The following CHRNB1 variants were observed in gnomAD, a reference collection of about 807,000 sequenced individuals.
CHRNB1 encodes acetylcholine receptor subunit beta.
A neutral mutation model predicts 53.8 loss-of-function variants in CHRNB1; 47 were observed. That is an observed-to-expected ratio of 0.87 (90% CI 0.69 to 1.11). The LOEUF is 1.11. Ranked by LOEUF, CHRNB1 falls within the 50% of genes most tolerant of loss-of-function variation. The pLI is 0.00. For synonymous variants in CHRNB1, 259 were observed against 263.5 expected, an observed-to-expected ratio of 0.98 and a Z score of 0.16; for missense variants, 605 against 654.9, an observed-to-expected ratio of 0.92 and a Z score of 0.83.
intron 6 of CHRNB1, 29 bp from the exon 7 acceptor site, chr17:7,448,550 T>C: frequency 6.2e-7 from 1 of 1,611,068 alleles, no homozygotes; most frequent in Non-Finnish European, 8.5e-7. Context: ...CTCTCACATC[T>C]GTGTTCCCCT....
Position 7,453,176 on chromosome 17 carries a change from G to T in CHRNB1, c.821-1121G>T, listed in dbSNP as rs185526278. 3.1e-3 allele frequency among the ~76,000 whole-genome samples: 466 copies of T among 152,308 alleles called. 2 individuals carry two copies. The highest frequency in any genetic ancestry group is 0.01 in the African/African-American group (417 of 41,562). On this transcript the variant is annotated intron_variant, in intron 7 of 10. Coordinates refer to ENST00000306071, the MANE Select transcript of CHRNB1 (RefSeq NM_000747.3). ...CTTGATGCCCAGGCTGGAGTGCAATGGCACGATCTCGACTCACTGCAACCT... is the reference window on the plus strand; with the variant it reads ...CTTGATGCCCAGGCTGGAGTGCAATTGCACGATCTCGACTCACTGCAACCT...
Position 7,455,713 on chromosome 17 carries a change from T to C in CHRNB1, c.1218-81T>C, listed in dbSNP as rs1196181282. 1.9e-6 allele frequency: 3 copies of C among 1,586,534 alleles called. No individual in the cohort carries two copies. In the African/African-American group the frequency reaches 4.0e-5, roughly 21 times the overall value. On this transcript the variant is annotated intron_variant, in intron 9 of 10. Transcript: ENST00000306071. ...TCGGGTTTTGAGAACTGGCAAGTTG[T>C]TGGAGGCAGCTGGAGCGGGGCCTGG... is the stretch of plus-strand genomic sequence containing the variant.
rs1008285836 is a variant in CHRNB1 at position 7,445,694 on chromosome 17, G to A, written c.198+285G>A. The A allele has an allele frequency of 7.7e-6, 9 of 1,173,208 alleles. No homozygotes were observed. The highest frequency in any genetic ancestry group is 3.1e-5 in the African/African-American group (2 of 64,520). 72.7% of individuals were successfully genotyped at this position (1,173,208 alleles called of 1,614,324 possible). A position where few individuals can be genotyped will look rare whatever the true frequency, so the allele number is the denominator to read the frequency against. On this transcript the variant is annotated intron_variant, in intron 2 of 10. Coordinates refer to ENST00000306071, the MANE Select transcript of CHRNB1 (RefSeq NM_000747.3). The surrounding 1 kb of genome is among the most constrained non-coding windows in gnomAD (Gnocchi z 5.7). Reference sequence around the variant, plus strand: ...CAGGGGCTGGGGGACGGACCTCGACGTAGGGCCACATGAGTCCTGAGTGCC... The same window carrying A: ...CAGGGGCTGGGGGACGGACCTCGACATAGGGCCACATGAGTCCTGAGTGCC...
At chr17:7,449,401 C>G (rs979881523) in intron 7 of CHRNB1, among the ~76,000 whole-genome samples, 1 of 132,998 alleles carries the variant, frequency 7.5e-6, no homozygotes, top group Non-Finnish European at 1.6e-5. Flanking sequence ...CAGGGCCCGA[C>G]CTTTTTTTTT....
rs1240584191 is a variant in CHRNB1, at chr17:7,455,421, G to C, written c.1182G>C (p.Lys394Asn). 2 of 1,614,046 alleles carry C rather than the reference G, an allele frequency of 1.2e-6. No homozygotes were observed. Among genetic ancestry groups the C allele is most frequent in the African/African-American group, 2.7e-5 (2 of 74,918 alleles). Reference sequence around the variant, plus strand: ...GAACAGATGAATATTTCATCCGGAAGCCGCCAAGTGATTTTCTCTTCCCCA... The same window carrying C: ...GAACAGATGAATATTTCATCCGGAACCCGCCAAGTGATTTTCTCTTCCCCA... ...GRGTDEYFIR[K>N]PPSDFLFPKP... The change falls in exon 9 of 11, where the codon AAG becomes AAC. Residue 394 changes from lysine to asparagine, a missense_variant. Lys to Asn is a moderately conservative substitution (Grantham distance 94, BLOSUM62 0). Transcript: ENST00000306071.
chr17:7,448,551 G>A (rs186789428), intron 6 of CHRNB1, 28 bp from the exon 7 acceptor site: 2 of 1,611,478 alleles, frequency 1.2e-6, no homozygotes, highest in Non-Finnish European at 1.7e-6. Context: ...TCTCACATCT[G>A]TGTTCCCCTC....
At chr17:7,449,414 T>TA (rs1908796688) in intron 7 of CHRNB1, among the ~76,000 whole-genome samples, 1 of 145,844 alleles carries the variant, frequency 6.9e-6, no homozygotes, top group Non-Finnish European at 1.5e-5. Context: ...TTTTTTTTTT[T>TA]TTTTTTTTTT....
At position 7,447,519 on chromosome 17, in the gene CHRNB1, TC is replaced by T; in HGVS notation, c.480del (p.Phe160LeufsTer58). ...SCSIQVTYFP[F>X]DWQNCTMVFS... is the part of the protein sequence containing the mutation. Reference sequence around the variant, plus strand: ...TCCATCCAGGTCACCTACTTCCCCTTCGACTGGCAGAATTGCACTATGGTGT... The same window carrying T: ...TCCATCCAGGTCACCTACTTCCCCTTGACTGGCAGAATTGCACTATGGTGT... On this transcript the variant is annotated frameshift_variant, in exon 6 of 11. Transcript: ENST00000306071. LOFTEE classifies it high-confidence loss of function. 1 of 1,614,104 alleles carries T rather than the reference TC, an allele frequency of 6.2e-7. No individual in the cohort carries two copies. The highest frequency in any genetic ancestry group is 2.2e-5 in the East Asian group (1 of 44,882).
chr17:7,449,305 G>A (rs900286079), intron 7 of CHRNB1, among the ~76,000 whole-genome samples: 2 of 151,028 alleles, frequency 1.3e-5, no homozygotes, highest in African/African-American at 2.4e-5. Flanking sequence ...GAGTTTCACC[G>A]TGTTAGCCAG....
intron 3 of CHRNB1, 69 bp downstream of exon 3, chr17:7,446,182 A>G: frequency 1.5e-6 from 2 of 1,335,200 alleles, no homozygotes; most frequent in Non-Finnish European, 2.2e-6. Context: ...TATCCAGCCC[A>G]GTAAGAATAT....
At chr17:7,456,417 C>T in intron 10 of CHRNB1, among the ~76,000 whole-genome samples, 166 bp from the exon 11 acceptor site, 1 of 152,104 alleles carries the variant, frequency 6.6e-6, no homozygotes, top group Admixed American at 6.6e-5. Context: ...CCTACTGGTT[C>T]TTTATGCCCA....
intron 7 of CHRNB1, among the ~76,000 whole-genome samples, chr17:7,453,725 C>T (rs1215040912): frequency 6.6e-6 from 1 of 151,674 alleles, no homozygotes; most frequent in East Asian, 1.9e-4. Context: ...ATAGTTGGGA[C>T]CACAAGCATG....
chr17:7,445,513 G>A lies in CHRNB1; in HGVS notation c.198+104G>A. ...AGGCTGGGGGCGGGGCCTGGGACGA[G>A]ACCAGGCTGAGATGGACCAGCCTTT... On this transcript the variant is annotated intron_variant, in intron 2 of 10. Transcript: ENST00000306071. The surrounding 1 kb of genome is among the most constrained non-coding windows in gnomAD (Gnocchi z 5.7). The A allele has an allele frequency of 6.5e-7, 1 of 1,543,926 alleles. No homozygotes were observed. The highest frequency in any genetic ancestry group is 1.2e-5 in the South Asian group (1 of 84,794).
intron 3 of CHRNB1, chr17:7,446,329 G>GTGTGTGTGTGTGTGTC (rs1908620328): frequency 1.1e-5 from 2 of 177,340 alleles, no homozygotes; most frequent in African/African-American, 9.0e-5. Context: ...GTGTGTGTCT[G>GTGTGTGTGTGTGTGTC]TGTGTGTGTG....
intron 3 of CHRNB1, chr17:7,446,378 G>C: frequency 1.9e-6 from 1 of 517,656 alleles, no homozygotes; most frequent in Non-Finnish European, 3.4e-6. Flanking sequence ...TGTGTGATGC[G>C]GTCTCACTAT....
At chr17:7,453,555 A>G (rs1388150316) in intron 7 of CHRNB1, among the ~76,000 whole-genome samples, 1 of 148,344 alleles carries the variant, frequency 6.7e-6, no homozygotes, top group Non-Finnish European at 1.5e-5. Context: ...AATGATTTAC[A>G]TGCAGATGGC....
chr17:7,446,974 G>A (rs1380000069), intron 4 of CHRNB1, 32 bp downstream of exon 4: 1 of 1,607,022 alleles, frequency 6.2e-7, no homozygotes, highest in East Asian at 2.2e-5. Flanking sequence ...GGGAGGTGGC[G>A]CGGGGCCTCG....
chr17:7,455,238 C>T (rs1400617001), intron 8 of CHRNB1, 46 bp from the exon 9 acceptor site: 3 of 1,611,930 alleles, frequency 1.9e-6, no homozygotes, highest in Non-Finnish European at 8.5e-7. Context: ...CCCTTCTGGT[C>T]TGAAAGCATG....
intron 7 of CHRNB1, among the ~76,000 whole-genome samples, chr17:7,449,785 C>T (rs1245892116): frequency 1.3e-5 from 2 of 151,880 alleles, no homozygotes; most frequent in Non-Finnish European, 2.9e-5. Flanking sequence ...TGGCTCACGC[C>T]TGTAATCCCA....
Sources: gnomAD v4.1 joint callset for allele counts (sites outside exome capture counted in the v4.1 genomes callset) on GRCh38, gnomAD v4.1.1 for gene constraint, Gnocchi (gnomAD v3.1) non-coding constraint, MANE v1.5 for transcripts, NCBI Gene and HGNC (gene_info 2026-07-23, HGNC 2026-07-21) for gene names.